The following CAMKMT variants were observed in gnomAD, a reference collection of about 807,000 sequenced individuals.
CAMKMT encodes the protein calmodulin-lysine N-methyltransferase.
In CAMKMT, 53 loss-of-function variants were observed where a neutral mutation model predicts 48.0. The ratio of observed to expected loss-of-function variants is 1.10; its 90% CI spans 0.89 to 1.39. CAMKMT has a LOEUF of 1.39. CAMKMT is among the 40% of genes most tolerant of loss of function. The pLI is 0.00. For missense variants in CAMKMT, 428 were observed against 402.7 expected (o/e 1.06, Z -0.54); for synonymous variants, 165 against 152.3 (o/e 1.08, Z -0.61).
At chr2:44,501,865 T>C (rs1230948591) in intron 3 of CAMKMT, among the ~76,000 whole-genome samples, 3 of 151,798 alleles carry the variant, frequency 2.0e-5, no homozygotes, top group Admixed American at 1.3e-4. Context: ...ACCTGGGCAA[T>C]AGAGTAGCGG....
In CAMKMT at chr2:44,772,052, C is replaced by T. The variant is rs765409677; in HGVS notation, c.911C>T (p.Pro304Leu). The T allele has an allele frequency of 1.7e-5, 27 of 1,613,150 alleles. No homozygotes were observed. The highest frequency in any genetic ancestry group is 6.7e-5 in the Admixed American group (4 of 59,962). Reference protein sequence around the residue: ...NFHSKLKKENPDIYEENLHYP... With the variant: ...NFHSKLKKENLDIYEENLHYP... ...TGTTTTCAGTTGAAAAAGGAAAACC[C>T]GGACATATATGAAGAAAACCTTCAT... The change falls in exon 11 of 11, where the codon CCG (proline) becomes CTG (leucine). Residue 304 changes from proline (P) to leucine (L), a missense_variant. Transcript: ENST00000378494.
chr2:44,459,050 T>C (rs1667720364), intron 3 of CAMKMT, among the ~76,000 whole-genome samples: 1 of 152,112 alleles, frequency 6.6e-6, no homozygotes. Context: ...GTACACTAAC[T>C]TATTGTGGGA....
At chr2:44,722,176 C>CTTTTTTTTTTTTT (rs11323950) in intron 7 of CAMKMT, among the ~76,000 whole-genome samples, 437 of 115,126 alleles carry the variant, frequency 3.8e-3, no homozygotes, top group East Asian at 4.5e-3. Flanking sequence ...TTTCTTTTTT[C>CTTTTTTTTTTTTT]TTTTTTTTTT....
At chr2:44,632,673 C>T (rs1672903247) in intron 3 of CAMKMT, among the ~76,000 whole-genome samples, 1 of 152,090 alleles carries the variant, frequency 6.6e-6, no homozygotes, top group Non-Finnish European at 1.5e-5. Context: ...AGGGTGTTGC[C>T]AAAGGAGATT....
chr2:44,462,472 A>T (rs533535556), intron 3 of CAMKMT, among the ~76,000 whole-genome samples: 23 of 152,228 alleles, frequency 1.5e-4, no homozygotes, highest in African/African-American at 5.5e-4. Context: ...TATAGTTTTT[A>T]ATGACCTACT....
rs188392257 is a variant in CAMKMT, at chr2:44,654,925, G to T, written c.377-49358G>T. ...TTGCAGAGTATCCTGTTATGTACAT[G>T]TACCATAATTTGTCTAACTAACCCC... On this transcript the variant is annotated intron_variant, in intron 3 of 10. Coordinates refer to ENST00000378494, the MANE Select transcript of CAMKMT (RefSeq NM_024766.5). 3.8e-4 allele frequency among the ~76,000 whole-genome samples: 58 copies of T among 152,264 alleles called. 2 individuals are homozygous for T. The highest frequency in any genetic ancestry group is 2.4e-3 in the Admixed American group (36 of 15,282).
intron 3 of CAMKMT, among the ~76,000 whole-genome samples, chr2:44,563,958 C>T (rs7607900): frequency 0.53 from 80,730 of 151,394 alleles, 23,223 homozygotes; most frequent in Middle Eastern, 0.66. Context: ...GTCTTTATAG[C>T]CGCATGATTT....
At chr2:44,733,954 C>G (rs1181049876) in intron 7 of CAMKMT, among the ~76,000 whole-genome samples, 1 of 152,064 alleles carries the variant, frequency 6.6e-6, no homozygotes, top group Non-Finnish European at 1.5e-5. Flanking sequence ...ATATCTTCTC[C>G]CTTTTTTCCT....
Position 44,530,578 on chromosome 2 carries a change from A to G in CAMKMT, c.376+140273A>G, listed in dbSNP as rs551514295. Among the ~76,000 whole-genome samples, 46 of 152,240 alleles carry G rather than the reference A, an allele frequency of 3.0e-4. No homozygotes were observed. In the East Asian group the frequency reaches 7.7e-3, roughly 26 times the overall value. On this transcript the variant is annotated intron_variant, in intron 3 of 10. Coordinates refer to ENST00000378494, the MANE Select transcript of CAMKMT (RefSeq NM_024766.5). ...TACTTTGTCAATGTTCAGTCAATGC[A>G]TTTTTCCCAATCGGGTACTTTTAAG...
At chr2:44,771,093 C>T (rs941213146) in intron 10 of CAMKMT, among the ~76,000 whole-genome samples, 19 of 152,064 alleles carry the variant, frequency 1.2e-4, no homozygotes, top group Non-Finnish European at 2.5e-4. Flanking sequence ...GTTAACATGC[C>T]CCAGAGGGAC....
chr2:44,416,503 G>A (rs537324201), intron 3 of CAMKMT, among the ~76,000 whole-genome samples: 4 of 148,838 alleles, frequency 2.7e-5, no homozygotes, highest in East Asian at 2.0e-4. Context: ...AACTCTTCTC[G>A]TGTTTCATAT....
intron 7 of CAMKMT, among the ~76,000 whole-genome samples, chr2:44,741,457 A>G (rs1176119691): frequency 6.6e-6 from 1 of 152,280 alleles, no homozygotes; most frequent in Non-Finnish European, 1.5e-5. Flanking sequence ...AGAATGTTCA[A>G]GGAGATAGCT....
intron 3 of CAMKMT, among the ~76,000 whole-genome samples, chr2:44,670,346 A>G (rs1241644128): frequency 1.3e-5 from 2 of 152,138 alleles, no homozygotes; most frequent in Non-Finnish European, 2.9e-5. Flanking sequence ...TTGGAGGCTG[A>G]GGCAGGAGGA....
At chr2:44,702,595 G>A (rs1422425392) in intron 3 of CAMKMT, among the ~76,000 whole-genome samples, 2 of 152,194 alleles carry the variant, frequency 1.3e-5, no homozygotes, top group African/African-American at 2.4e-5. Context: ...GGGAATGGCA[G>A]AGCTGGCACT....
intron 6 of CAMKMT, among the ~76,000 whole-genome samples, chr2:44,712,359 A>G (rs1179062990): frequency 6.6e-6 from 1 of 152,160 alleles, no homozygotes; most frequent in Non-Finnish European, 1.5e-5. Context: ...AAATATATAT[A>G]TAACTACTGA....
At chr2:44,507,048 T>G (rs1432915178) in intron 3 of CAMKMT, among the ~76,000 whole-genome samples, 1 of 147,962 alleles carries the variant, frequency 6.8e-6, no homozygotes, top group East Asian at 2.0e-4. Context: ...CCTGTTCATT[T>G]TGGAATTCAT....
chr2:44,454,815 A>G lies in CAMKMT; in HGVS notation c.376+64510A>G, dbSNP rs189786100. ...TGTATTGTATCAGTGAATCAAAAGA[A>G]TTTCTTGACATGAAAGAATTGGTAC... On this transcript the variant is annotated intron_variant, in intron 3 of 10. Transcript: ENST00000378494. Among the ~76,000 whole-genome samples, 4 of 152,278 alleles carry G rather than the reference A, an allele frequency of 2.6e-5. No individual in the cohort carries two copies. The East Asian group carries it at 7.7e-4, about 29-fold the overall frequency.
At chr2:44,723,912 A>T (rs1573170062) in intron 7 of CAMKMT, 1 of 152,220 alleles carries the variant, frequency 6.6e-6, no homozygotes, top group East Asian at 1.9e-4. Context: ...GTTTCATGAT[A>T]AAATCAATGA....
intron 8 of CAMKMT, among the ~76,000 whole-genome samples, chr2:44,749,533 T>C (rs903203399): frequency 1.3e-5 from 2 of 152,244 alleles, no homozygotes; most frequent in African/African-American, 2.4e-5. Flanking sequence ...CTTTGTCTTA[T>C]TCATAGCTCA....
Sources: allele counts gnomAD v4.1 joint callset (sites outside exome capture counted in the v4.1 genomes callset), GRCh38; gene constraint gnomAD v4.1.1; transcripts MANE v1.5; gene names NCBI Gene and HGNC (gene_info 2026-07-23, HGNC 2026-07-21).